Variants in TNRC6A observed in about 807,000 individuals in gnomAD.
The protein encoded by TNRC6A is trinucleotide repeat containing adaptor 6A.
Under a neutral mutation model 221.2 loss-of-function variants are expected in TNRC6A, and 44 were observed. The observed-to-expected ratio is 0.20, with a 90% confidence interval of 0.16 to 0.26. The LOEUF is 0.26. TNRC6A is among the 10% of genes least tolerant of loss of function. The pLI, the probability that TNRC6A is intolerant of heterozygous loss-of-function variation, is 1.00. For missense variants in TNRC6A, 2,199 were observed against 2,404.4 expected, an observed-to-expected ratio of 0.91 and a Z score of 1.79; for synonymous variants, 847 against 838.5, an observed-to-expected ratio of 1.01 and a Z score of -0.18.
At position 24,793,937 on chromosome 16, in the gene TNRC6A, A is replaced by G. The variant is rs532216383; in HGVS notation, c.3352+288A>G. Among the ~76,000 whole-genome samples, 5 of 152,330 alleles carry G rather than the reference A, an allele frequency of 3.3e-5. No individual in the cohort carries two copies. The South Asian group carries it at 1.0e-3, about 32-fold the overall frequency. On this transcript the variant is annotated intron_variant, in intron 7 of 24. Transcript: ENST00000395799. ...TTAGGTTATCTAGGAAGAGTCTACT[A>G]GCAACTTTCATGCCATCCAGCCTGA...
At chr16:24,643,061 A>ATATATATTATATATATAT (rs1491508271) in intron 2 of TNRC6A, among the ~76,000 whole-genome samples, 27 of 137,554 alleles carry the variant, frequency 2.0e-4, no homozygotes, top group African/African-American at 7.2e-4. Flanking sequence ...TATATATAAC[A>ATATATATTATATATATAT]TATATATTAT....
chr16:24,613,725 G>A (rs1033750477), intron 1 of TNRC6A, among the ~76,000 whole-genome samples: 4 of 151,708 alleles, frequency 2.6e-5, no homozygotes, highest in African/African-American at 4.8e-5. Flanking sequence ...TAGTAGAAAC[G>A]TGGTTTCGCC....
Position 24,790,374 on chromosome 16 carries a change from G to A in TNRC6A, c.1732G>A (p.Ala578Thr), listed in dbSNP as rs753352636. ...NKGGGVWESG[A>T]ANSQSTSWGS... ...AGGAGGTGGTGTGTGGGAATCTGGT[G>A]CAGCAAACTCCCAGAGTACATCATG... Residue 578 changes from alanine to threonine, a missense_variant, in exon 6 of 25, where the codon GCA (alanine) becomes ACA (threonine). Physicochemically the swap from Ala to Thr is moderately conservative, Grantham distance 58. Around this residue, in one of 8 missense-constraint regions of TNRC6A, gnomAD observed 1,405 missense variants for 1,400.2 expected, o/e 1.00. Coordinates refer to ENST00000395799, the MANE Select transcript of TNRC6A (RefSeq NM_014494.4). 3.1e-6 allele frequency: 5 copies of A among 1,614,226 alleles called. No homozygotes were observed. The highest frequency in any genetic ancestry group is 4.5e-5 in the East Asian group (2 of 44,888).
intron 4 of TNRC6A, among the ~76,000 whole-genome samples, chr16:24,775,150 A>T (rs1357520613): frequency 6.6e-6 from 1 of 152,140 alleles, no homozygotes; most frequent in Non-Finnish European, 1.5e-5. Context: ...TTATTACTGC[A>T]TGAGGTACAC....
At position 24,823,298 on chromosome 16, in the gene TNRC6A, GT is replaced by G. The variant is rs1309461402; in HGVS notation, c.5514-132del. The G allele has an allele frequency of 1.7e-6, 2 of 1,161,476 alleles. No homozygotes were observed. The highest frequency in any genetic ancestry group is 1.2e-6 in the Non-Finnish European group (1 of 829,332). 71.9% of individuals were successfully genotyped at this position (1,161,476 alleles called of 1,614,324 possible). Reference sequence around the variant, plus strand: ...ACTCGGGTGAAGGGAGGGCACGCAGGTTATGTGGTGTAGTCTCTCCCTCTGT... The same window carrying G: ...ACTCGGGTGAAGGGAGGGCACGCAGGTATGTGGTGTAGTCTCTCCCTCTGT... On this transcript the variant is annotated intron_variant, in intron 24 of 24. Transcript: ENST00000395799. This position sits in a 1 kb window ranked among gnomAD's most constrained non-coding sequence, Gnocchi z 4.3.
intron 2 of TNRC6A, among the ~76,000 whole-genome samples, chr16:24,669,553 G>A (rs1274063898): frequency 6.6e-6 from 1 of 151,894 alleles, no homozygotes; most frequent in African/African-American, 2.4e-5. Context: ...TGCCTTTGTT[G>A]GACACTAGAT....
chr16:24,710,390 T>C (rs2056182474), intron 2 of TNRC6A, among the ~76,000 whole-genome samples: 1 of 152,022 alleles, frequency 6.6e-6, no homozygotes, highest in Non-Finnish European at 1.5e-5. Context: ...GGAGGATCAC[T>C]GGAGCCCAGG....
chr16:24,665,960 G>C (rs1230661711), intron 2 of TNRC6A, among the ~76,000 whole-genome samples: 1 of 152,136 alleles, frequency 6.6e-6, no homozygotes, highest in East Asian at 1.9e-4. Context: ...AGTTGTGAGT[G>C]GTTGTACTGA....
Position 24,789,770 on chromosome 16 carries a change from T to G in TNRC6A, c.1128T>G (p.Asn376Lys). ...GTGCCTGGCCAGTATTAGAGAACAA[T>G]GGACTTGCCCTAAAAGGGCCTGTAG... ...NHGAWPVLEN[N>K]GLALKGPVGS... Residue 376 changes from asparagine to lysine, a missense_variant, in exon 6 of 25, where the codon AAT becomes AAG. Physicochemically the swap from Asn to Lys is moderately conservative, Grantham distance 94 (BLOSUM62 0). Coordinates refer to ENST00000395799, the MANE Select transcript of TNRC6A (RefSeq NM_014494.4). 6.2e-7 allele frequency: 1 copy of G among 1,614,164 alleles called. No homozygotes were observed. The highest frequency in any genetic ancestry group is 1.1e-5 in the South Asian group (1 of 91,074).
chr16:24,649,271 ATACT>A (rs1902487629), intron 2 of TNRC6A, among the ~76,000 whole-genome samples: 1 of 152,054 alleles, frequency 6.6e-6, no homozygotes. Context: ...GTTACCTCAC[ATACT>A]TCTTTTTGTT....
chr16:24,657,534 A>T (rs1238706735), intron 2 of TNRC6A, among the ~76,000 whole-genome samples: 1 of 151,894 alleles, frequency 6.6e-6, no homozygotes, highest in Non-Finnish European at 1.5e-5. Context: ...ACATGGTGAA[A>T]CCCCGTTTCC....
chr16:24,631,866 G>GT (rs1200927103), intron 1 of TNRC6A, among the ~76,000 whole-genome samples: 112 of 147,724 alleles, frequency 7.6e-4, no homozygotes, highest in African/African-American at 1.4e-3. Context: ...GTTTGTTTGA[G>GT]TTTTTTTTTT....
At chr16:24,671,743 C>T (rs1269493569) in intron 2 of TNRC6A, among the ~76,000 whole-genome samples, 1 of 152,180 alleles carries the variant, frequency 6.6e-6, no homozygotes, top group African/African-American at 2.4e-5. Flanking sequence ...GGTGCAGTGG[C>T]TCACGCCTGT....
chr16:24,818,455 G>C (rs560407038), intron 20 of TNRC6A, 138 bp from the exon 21 acceptor site: 2 of 673,190 alleles, frequency 3.0e-6, no homozygotes, highest in Middle Eastern at 2.4e-4. Context: ...AAGATGTCTC[G>C]GGCACCATCT....
At position 24,793,574 on chromosome 16, in the gene TNRC6A, G is replaced by A. The variant is rs778710185; in HGVS notation, c.3277G>A (p.Glu1093Lys). ...KPIDSGPSWG[E>K]PIAAASSTST... is the part of the protein sequence containing the mutation. ...CATAGACAGTGGTCCCAGCTGGGGG[G>A]AACCCATTGCTGCGGCATCCAGCAC... Residue 1093 changes from glutamate to lysine, a missense_variant, in exon 7 of 25, where the codon GAA becomes AAA. Transcript: ENST00000395799. 9.6e-6 allele frequency: 15 copies of A among 1,569,384 alleles called. No individual in the cohort carries two copies. The highest frequency in any genetic ancestry group is 1.3e-5 in the Non-Finnish European group (15 of 1,156,806).
chr16:24,628,834 ATT>A (rs35324867), intron 1 of TNRC6A, among the ~76,000 whole-genome samples: 1 of 150,716 alleles, frequency 6.6e-6, no homozygotes, highest in Non-Finnish European at 1.5e-5. Context: ...GGTCCACTGT[ATT>A]TTTTTTTTCT....
At chr16:24,818,744 A>G in intron 21 of TNRC6A, 44 bp downstream of exon 21, 6 of 1,461,486 alleles carry the variant, frequency 4.1e-6, no homozygotes, top group Non-Finnish European at 4.8e-6. Flanking sequence ...GGTCACAGCC[A>G]GAGCCGCGGC....
intron 1 of TNRC6A, among the ~76,000 whole-genome samples, chr16:24,633,386 A>T (rs1175706293): frequency 6.0e-5 from 9 of 151,012 alleles, no homozygotes; most frequent in Non-Finnish European, 8.9e-5. Context: ...TGGTGTATTT[A>T]TTTTTTTTTC....
At chr16:24,806,522 T>C in intron 16 of TNRC6A, 52 bp from the exon 17 acceptor site, 3 of 1,599,282 alleles carry the variant, frequency 1.9e-6, no homozygotes, top group Non-Finnish European at 2.6e-6. Context: ...TGTAGTTTTC[T>C]GTAAAGACGT....
Sources: gnomAD v4.1 joint callset for allele counts (sites outside exome capture counted in the v4.1 genomes callset) on GRCh38, gnomAD v4.1.1 for gene constraint, gnomAD v4.1.1 regional missense constraint, Gnocchi (gnomAD v3.1) non-coding constraint, MANE v1.5 for transcripts, NCBI Gene and HGNC (gene_info 2026-07-23, HGNC 2026-07-21) for gene names.